IP6K3: variants seen among roughly 807,000 people sequenced by gnomAD.
IP6K3 encodes the protein ATP:1D-myo-inositol-hexakisphosphate phosphotransferase.
In IP6K3, 20 loss-of-function variants were observed where a neutral mutation model predicts 28.8. The observed-to-expected ratio is 0.70, with a 90% CI of 0.49 to 1.01. IP6K3 has a LOEUF of 1.01. Ranked by LOEUF, IP6K3 falls within the 50% of genes least tolerant of loss-of-function variation. IP6K3 has a pLI of 0.00. For synonymous variants in IP6K3, 213 were observed against 221.3 expected, an observed-to-expected ratio of 0.96 and a Z score of 0.33; for missense variants, 480 against 537.1, an observed-to-expected ratio of 0.89 and a Z score of 1.05.
Position 33,725,534 on chromosome 6 carries a change from G to A in IP6K3, c.672C>T (p.Gly224=), listed in dbSNP as rs780908623. The A allele has an allele frequency of 1.3e-5, 21 of 1,613,982 alleles. No homozygotes were observed. In the East Asian group the frequency reaches 3.1e-4, roughly 24 times the overall value. The change falls in exon 5 of 6, where the codon GGC becomes GGT. Residue 224 remains glycine, a synonymous_variant. Coordinates refer to ENST00000293756, the MANE Select transcript of IP6K3 (RefSeq NM_054111.5). ...CCTTCTTCTCCTCCGATGCATCATC[G>A]CCGTGCTGCCGGGTCCCCATCTTCA... ...LDLKMGTRQH[G]DDASEEKKAR...
chr6:33,759,870 CT>C, the IP6K3 span, among the ~76,000 whole-genome samples: 1 of 147,594 alleles, frequency 6.8e-6, no homozygotes, highest in East Asian at 2.0e-4. Context: ...GAGACTCCGT[CT>C]AAAAAAAAAA....
chr6:33,732,839 G>C (rs1365155691), intron 2 of IP6K3, among the ~76,000 whole-genome samples: 1 of 152,216 alleles, frequency 6.6e-6, no homozygotes, highest in Non-Finnish European at 1.5e-5. Flanking sequence ...CCACCCGAGA[G>C]CCCTTTCAGG....
intron 1 of IP6K3, among the ~76,000 whole-genome samples, chr6:33,740,670 G>A (rs562201359): frequency 8.5e-4 from 130 of 152,338 alleles, no homozygotes; most frequent in Non-Finnish European, 1.4e-3. Flanking sequence ...CCATCAAGCC[G>A]AGGCGGATAA....
upstream of IP6K3, among the ~76,000 whole-genome samples, chr6:33,750,318 T>C (rs1767005633): frequency 6.6e-6 from 1 of 152,200 alleles, no homozygotes. This position sits in a 1 kb window ranked among gnomAD's most constrained non-coding sequence, Gnocchi z 4.3. Context: ...TGCTTAATAC[T>C]CTTCAGTGGC....
the IP6K3 span, among the ~76,000 whole-genome samples, chr6:33,759,770 G>C: frequency 6.6e-6 from 1 of 152,058 alleles, no homozygotes; most frequent in Non-Finnish European, 1.5e-5. Context: ...CTACTTGGGA[G>C]GCTGAGGCAG....
At chr6:33,755,693 G>A in the IP6K3 span, among the ~76,000 whole-genome samples, 1 of 152,182 alleles carries the variant, frequency 6.6e-6, no homozygotes, top group Admixed American at 6.5e-5. Context: ...GGTCCCCCCC[G>A]CTGTGAGGCT....
intron 4 of IP6K3, among the ~76,000 whole-genome samples, chr6:33,726,233 C>T (rs1766105841): frequency 1.3e-5 from 2 of 152,314 alleles, no homozygotes; most frequent in African/African-American, 4.8e-5. Context: ...CTCCCATAGT[C>T]TACCCCATGG....
chr6:33,739,565 T>G (rs553325042), intron 1 of IP6K3, among the ~76,000 whole-genome samples: 1 of 152,256 alleles, frequency 6.6e-6, no homozygotes, highest in African/African-American at 2.4e-5. Flanking sequence ...AAGAGTAGGG[T>G]TCTTTATCTG....
chr6:33,722,930 G>A lies in IP6K3; in HGVS notation c.1023C>T (p.Gly341=), dbSNP rs1175116858. The A allele has an allele frequency of 6.2e-7, 1 of 1,614,106 alleles. No homozygotes were observed. Among genetic ancestry groups the A allele is most frequent in the Admixed American group, 1.7e-5 (1 of 60,016 alleles). ...DGQEPPERAP[G]SPHPHEAPQA... ...GGGGAGCCTCGTGAGGATGCGGGCTGCCTGGGGCTCTTTCTGGTGGTTCCT... is the reference window on the plus strand; with the variant it reads ...GGGGAGCCTCGTGAGGATGCGGGCTACCTGGGGCTCTTTCTGGTGGTTCCT... Residue 341 remains glycine (G), a synonymous_variant, in exon 6 of 6, where the codon GGC becomes GGT. Coordinates refer to ENST00000293756, the MANE Select transcript of IP6K3 (RefSeq NM_054111.5).
upstream of IP6K3, among the ~76,000 whole-genome samples, chr6:33,748,642 CAAAAAAA>C (rs35735336): frequency 2.1e-4 from 8 of 38,342 alleles, no homozygotes; most frequent in African/African-American, 4.9e-4. Flanking sequence ...ACCCTGTCTC[CAAAAAAA>C]AAAAAAAAAA....
chr6:33,755,381 A>G, the IP6K3 span, among the ~76,000 whole-genome samples: 3 of 152,226 alleles, frequency 2.0e-5, no homozygotes, highest in African/African-American at 4.8e-5. Flanking sequence ...GGGCAGTGAC[A>G]GTGTCCCCAA....
chr6:33,739,014 A>G (rs987559094), intron 1 of IP6K3: 1 of 152,254 alleles, frequency 6.6e-6, no homozygotes, highest in Admixed American at 6.5e-5. Flanking sequence ...CCTTCCCCAC[A>G]GCCTCCTGGC....
intron 1 of IP6K3, 51 bp from the exon 2 acceptor site, chr6:33,735,706 G>T: frequency 9.2e-7 from 1 of 1,083,072 alleles, no homozygotes. Flanking sequence ...GTGGTGGCTG[G>T]GGCAGGGCAG....
chr6:33,761,382 C>T, the IP6K3 span, among the ~76,000 whole-genome samples: 3 of 152,138 alleles, frequency 2.0e-5, no homozygotes, highest in Non-Finnish European at 2.9e-5. Flanking sequence ...GATCCACCCC[C>T]ACTCCTGAGG....
At chr6:33,757,603 C>T in the IP6K3 span, among the ~76,000 whole-genome samples, 1 of 152,110 alleles carries the variant, frequency 6.6e-6, no homozygotes, top group Non-Finnish European at 1.5e-5. Context: ...TGCTAGGTAC[C>T]AGGCACTGTG....
At chr6:33,752,714 C>G in the IP6K3 span, among the ~76,000 whole-genome samples, 10,198 of 152,206 alleles carry the variant, frequency 0.067, 418 homozygotes, top group African/African-American at 0.1. Flanking sequence ...AGAATCCAGG[C>G]TGGACTGTGG....
chr6:33,750,758 G>T (rs780463281), upstream of IP6K3, among the ~76,000 whole-genome samples: 1 of 152,120 alleles, frequency 6.6e-6, no homozygotes, highest in Non-Finnish European at 1.5e-5. The surrounding 1 kb of genome is among the most constrained non-coding windows in gnomAD (Gnocchi z 4.3). Flanking sequence ...GCACAACAGC[G>T]GTTTCCTTTC....
the IP6K3 span, among the ~76,000 whole-genome samples, chr6:33,754,352 G>A: frequency 1.3e-5 from 2 of 152,150 alleles, no homozygotes; most frequent in African/African-American, 2.4e-5. Context: ...GGCTGGGGCT[G>A]TGATTGCTGG....
the IP6K3 span, among the ~76,000 whole-genome samples, chr6:33,760,492 A>G: frequency 6.6e-6 from 1 of 152,344 alleles, no homozygotes; most frequent in African/African-American, 2.4e-5. Flanking sequence ...CCCTGCACAC[A>G]GGAACAGAAT....
Sources: allele counts gnomAD v4.1 joint callset (sites outside exome capture counted in the v4.1 genomes callset), GRCh38; gene constraint gnomAD v4.1.1; non-coding constraint Gnocchi (gnomAD v3.1); transcripts MANE v1.5; gene names NCBI Gene and HGNC (gene_info 2026-07-23, HGNC 2026-07-21).